The following BLTP2 variants were observed in gnomAD, a reference collection of about 807,000 sequenced individuals.
BLTP2 encodes the protein U937-associated antigen.
At chr17:28,633,238 CTGAGCCCCTCATCCCAT>C in the BLTP2 span, 1 of 1,598,830 alleles carries the variant, frequency 6.3e-7, no homozygotes, top group Non-Finnish European at 8.6e-7. Flanking sequence ...TCCCTCCAAC[CTGAGCCCCTCATCCCAT>C]GGAGGACCCT....
the BLTP2 span, chr17:28,623,674 C>CAG: frequency 9.3e-7 from 1 of 1,079,442 alleles, no homozygotes; most frequent in Non-Finnish European, 1.4e-6. Flanking sequence ...CTAGTAACAG[C>CAG]AGGTTACTGT....
At chr17:28,643,099 T>G in the BLTP2 span, 5 of 1,601,926 alleles carry the variant, frequency 3.1e-6, no homozygotes, top group Non-Finnish European at 3.4e-6. Flanking sequence ...CAGAAAAATC[T>G]ACCCATAACT....
chr17:28,640,319 G>C, the BLTP2 span: 2 of 508,498 alleles, frequency 3.9e-6, no homozygotes, highest in Non-Finnish European at 7.0e-6. Flanking sequence ...CTTGAACCTG[G>C]GAGGCAGAGG....
chr17:28,637,373 A>G, the BLTP2 span, among the ~76,000 whole-genome samples: 3 of 152,330 alleles, frequency 2.0e-5, no homozygotes, highest in South Asian at 2.1e-4. Context: ...CTTAACTCCT[A>G]CAAATTGCAC....
chr17:28,642,064 T>C, the BLTP2 span: 1 of 1,613,988 alleles, frequency 6.2e-7, no homozygotes, highest in Non-Finnish European at 8.5e-7. Flanking sequence ...AAAGCTCCAC[T>C]AGGCAGGTGT....
chr17:28,623,186 C>T, the BLTP2 span, among the ~76,000 whole-genome samples: 2 of 152,210 alleles, frequency 1.3e-5, no homozygotes, highest in South Asian at 4.2e-4. Context: ...CTGAATAAAG[C>T]TTTATATTTT....
chr17:28,643,958 G>C, the BLTP2 span: 1 of 1,439,960 alleles, frequency 6.9e-7, no homozygotes, highest in Non-Finnish European at 9.4e-7. Flanking sequence ...GGATTAACTA[G>C]AAAAGCCACC....
At chr17:28,625,967 G>A in the BLTP2 span, among the ~76,000 whole-genome samples, 2 of 152,258 alleles carry the variant, frequency 1.3e-5, no homozygotes, top group African/African-American at 4.8e-5. Context: ...GTTTCACCAT[G>A]GTGGCCAGGC....
At chr17:28,644,696 G>A in the BLTP2 span, among the ~76,000 whole-genome samples, 4 of 152,200 alleles carry the variant, frequency 2.6e-5, no homozygotes, top group African/African-American at 9.7e-5. Flanking sequence ...GGGGGAAAGG[G>A]AAGCCACTGA....
At chr17:28,642,414 G>A in the BLTP2 span, 3 of 1,117,852 alleles carry the variant, frequency 2.7e-6, no homozygotes, top group Non-Finnish European at 4.1e-6. Flanking sequence ...CACTTTGGGA[G>A]GCCAAGGTGG....
At chr17:28,620,295 A>G in the BLTP2 span, among the ~76,000 whole-genome samples, 2 of 152,168 alleles carry the variant, frequency 1.3e-5, no homozygotes, top group East Asian at 3.8e-4. Context: ...ACTAGGAGAA[A>G]ACAATCAGGC....
At chr17:28,638,391 C>G in the BLTP2 span, 1 of 1,614,112 alleles carries the variant, frequency 6.2e-7, no homozygotes, top group East Asian at 2.2e-5. Context: ...CTGATGGATG[C>G]TTTGTGGCCT....
the BLTP2 span, chr17:28,620,749 G>A: frequency 1.7e-6 from 2 of 1,161,072 alleles, no homozygotes; most frequent in Admixed American, 4.3e-5. Flanking sequence ...GGTGAGAGTT[G>A]CTCATGGGCA....
the BLTP2 span, chr17:28,631,337 G>A: frequency 1.1e-5 from 8 of 741,158 alleles, no homozygotes; most frequent in Non-Finnish European, 1.8e-5. Flanking sequence ...CCGTGATCTT[G>A]GACTTCCCAG....
chr17:28,618,452 G>A, the BLTP2 span, among the ~76,000 whole-genome samples: 1 of 151,956 alleles, frequency 6.6e-6, no homozygotes, highest in Non-Finnish European at 1.5e-5. Flanking sequence ...TTGACTTTAA[G>A]CAATCCTCCC....
the BLTP2 span, chr17:28,637,058 C>A: frequency 1.2e-6 from 2 of 1,614,138 alleles, no homozygotes; most frequent in South Asian, 1.1e-5. Context: ...AACAGGGTTG[C>A]ATCTTCTCCG....
At chr17:28,618,887 A>G in the BLTP2 span, 9 of 1,614,092 alleles carry the variant, frequency 5.6e-6, no homozygotes, top group Non-Finnish European at 5.9e-6. Flanking sequence ...AGTAAAACTC[A>G]GTGCGACGGA....
At chr17:28,644,567 C>G in the BLTP2 span, among the ~76,000 whole-genome samples, 1 of 152,230 alleles carries the variant, frequency 6.6e-6, no homozygotes, top group Admixed American at 6.5e-5. Context: ...ACCCTCCAGA[C>G]AGGTATCCAC....
the BLTP2 span, chr17:28,631,771 G>A: frequency 1.1e-5 from 18 of 1,604,246 alleles, no homozygotes; most frequent in South Asian, 2.0e-4. Context: ...ACTGAGAAGG[G>A]AAAAACAAGG....
Sources: gnomAD v4.1 joint callset for allele counts (sites outside exome capture counted in the v4.1 genomes callset) on GRCh38, gnomAD v4.1.1 for gene constraint, MANE v1.5 for transcripts, NCBI Gene and HGNC (gene_info 2026-07-23, HGNC 2026-07-21) for gene names.